The following MTA3 variants were observed in gnomAD, a reference collection of about 807,000 sequenced individuals.
The protein encoded by MTA3 is metastasis-associated protein MTA3.
MTA3 carries 34 observed loss-of-function variants against 83.5 expected under a neutral mutation model. The observed-to-expected ratio is 0.41, with a 90% CI of 0.31 to 0.54. The LOEUF is 0.54. MTA3 is among the 20% of genes least tolerant of loss of function. The probability of loss-of-function intolerance (pLI) is 0.33; values close to 1 mark genes in which losing one functional copy is unlikely to be tolerated. For synonymous variants in MTA3, 303 were observed against 252.7 expected (o/e 1.20, Z -1.89); for missense variants, 761 against 726.4 (o/e 1.05, Z -0.55).
intron 8 of MTA3, among the ~76,000 whole-genome samples, chr2:42,673,956 A>G (rs1691089494): frequency 6.6e-6 from 1 of 152,244 alleles, no homozygotes; most frequent in South Asian, 2.1e-4. Context: ...TACACTGCCC[A>G]AATTTCAGTG....
chr2:42,511,276 CT>C (rs1231985069), intron 2 of MTA3, among the ~76,000 whole-genome samples: 3 of 150,310 alleles, frequency 2.0e-5, no homozygotes, highest in Non-Finnish European at 3.0e-5. Context: ...ATTTAAAATA[CT>C]TTTTTTTTCT....
intron 2 of MTA3, among the ~76,000 whole-genome samples, chr2:42,536,166 C>T (rs897386224): frequency 1.3e-5 from 2 of 150,812 alleles, no homozygotes; most frequent in African/African-American, 2.4e-5. Flanking sequence ...CGGTCTCCCC[C>T]GGGCCATATG....
intron 2 of MTA3, among the ~76,000 whole-genome samples, chr2:42,502,093 A>G (rs1674423560): frequency 6.7e-6 from 1 of 150,000 alleles, no homozygotes; most frequent in Admixed American, 6.6e-5. Context: ...TCATAAATCA[A>G]TACATGGAGG....
At chr2:42,737,001 G>A (rs890197296) in intron 16 of MTA3, among the ~76,000 whole-genome samples, 1 of 152,162 alleles carries the variant, frequency 6.6e-6, no homozygotes, top group African/African-American at 2.4e-5. Context: ...TATCAAAGTT[G>A]CAAGAGAAAG....
At chr2:42,672,343 TAA>T (rs573876669) in intron 8 of MTA3, among the ~76,000 whole-genome samples, 7 of 140,194 alleles carry the variant, frequency 5.0e-5, no homozygotes, top group Admixed American at 7.2e-5. Context: ...TCCTCTCTAT[TAA>T]AAAAAAAAAA....
chr2:42,726,964 G>A (rs1667869941), intron 16 of MTA3, among the ~76,000 whole-genome samples: 1 of 152,178 alleles, frequency 6.6e-6, no homozygotes, highest in African/African-American at 2.4e-5. Flanking sequence ...AGGCCAAAGC[G>A]GGAGGCTCAC....
At chr2:42,719,571 G>A (rs184359176) in intron 15 of MTA3, among the ~76,000 whole-genome samples, 14 of 152,030 alleles carry the variant, frequency 9.2e-5, no homozygotes, top group East Asian at 3.9e-4. Context: ...ACAGGGTCTC[G>A]CTTTGTTGCC....
At chr2:42,704,170 A>G (rs1183414822) in intron 11 of MTA3, 24 bp from the exon 12 acceptor site, 7 of 1,610,130 alleles carry the variant, frequency 4.3e-6, no homozygotes, top group Non-Finnish European at 5.1e-6. Context: ...TCATTTTATC[A>G]CCTTATTTTA....
At position 42,644,284 on chromosome 2, in the gene MTA3, A is replaced by G. The variant is rs748851916; in HGVS notation, c.499+40A>G. 17 of 1,379,552 alleles carry G rather than the reference A, an allele frequency of 1.2e-5. No homozygotes were observed. The South Asian group carries it at 1.8e-4, about 15-fold the overall frequency. The allele number at this position is 1,379,552 out of a possible 1,614,324, so 85.5% of individuals were successfully genotyped here. A position where few individuals can be genotyped will look rare whatever the true frequency, so the allele number is the denominator to read the frequency against. Reference sequence around the variant, plus strand: ...GTGTTTGCAGTTTTGTGAAACAAATATATCTTGAAACTCAAATATACATGT... The same window carrying G: ...GTGTTTGCAGTTTTGTGAAACAAATGTATCTTGAAACTCAAATATACATGT... On this transcript the variant is annotated intron_variant, in intron 6 of 16. Transcript: ENST00000405094.
intron 2 of MTA3, among the ~76,000 whole-genome samples, chr2:42,577,891 T>C (rs928910484): frequency 1.3e-5 from 2 of 152,222 alleles, no homozygotes; most frequent in South Asian, 4.1e-4. Flanking sequence ...TTTGAAGTCA[T>C]TGATAGATTT....
chr2:42,730,107 C>G (rs748271582), intron 16 of MTA3, among the ~76,000 whole-genome samples: 4 of 152,126 alleles, frequency 2.6e-5, no homozygotes, highest in Non-Finnish European at 5.9e-5. Flanking sequence ...TTTGTCAGTT[C>G]TAATAGCTTT....
At chr2:42,614,575 C>G (rs536819850) in intron 4 of MTA3, among the ~76,000 whole-genome samples, 1 of 152,128 alleles carries the variant, frequency 6.6e-6, no homozygotes, top group Non-Finnish European at 1.5e-5. Flanking sequence ...TAAACCTACC[C>G]TTCCATTATC....
At chr2:42,711,274 A>C (rs1300273792) in intron 14 of MTA3, among the ~76,000 whole-genome samples, 1 of 152,062 alleles carries the variant, frequency 6.6e-6, no homozygotes, top group Non-Finnish European at 1.5e-5. Flanking sequence ...TAATTTGCAC[A>C]TTATCTTTGT....
intron 4 of MTA3, among the ~76,000 whole-genome samples, chr2:42,611,252 G>A (rs1684175159): frequency 6.6e-6 from 1 of 151,656 alleles, no homozygotes; most frequent in East Asian, 1.9e-4. Context: ...CAAAGTGCTG[G>A]GATTATAGGT....
intron 2 of MTA3, among the ~76,000 whole-genome samples, chr2:42,538,645 T>C (rs976378943): frequency 1.3e-5 from 2 of 148,980 alleles, no homozygotes; most frequent in Admixed American, 6.7e-5. Flanking sequence ...GAGATGGAGA[T>C]TGCAGTGAGC....
intron 2 of MTA3, among the ~76,000 whole-genome samples, chr2:42,546,986 G>C (rs1412743383): frequency 6.6e-6 from 1 of 152,150 alleles, no homozygotes; most frequent in African/African-American, 2.4e-5. Flanking sequence ...AGCTAGCAGG[G>C]GCTAATCTGC....
intron 6 of MTA3, among the ~76,000 whole-genome samples, chr2:42,650,656 C>T (rs1426725011): frequency 1.3e-5 from 2 of 152,016 alleles, no homozygotes; most frequent in Admixed American, 1.3e-4. Context: ...GTCTCAATCT[C>T]CTGACGTCGT....
At chr2:42,583,309 G>A (rs1384824072) in intron 3 of MTA3, among the ~76,000 whole-genome samples, 1 of 152,132 alleles carries the variant, frequency 6.6e-6, no homozygotes, top group African/African-American at 2.4e-5. Context: ...CGGGAATGGT[G>A]GAGTTAGATG....
At chr2:42,528,629 T>G (rs989291389) in intron 2 of MTA3, among the ~76,000 whole-genome samples, 1 of 152,222 alleles carries the variant, frequency 6.6e-6, no homozygotes, top group Non-Finnish European at 1.5e-5. Context: ...ATTTGAATCT[T>G]GGCTTTACTA....
Sources: gnomAD v4.1 joint callset for allele counts (sites outside exome capture counted in the v4.1 genomes callset) on GRCh38, gnomAD v4.1.1 for gene constraint, MANE v1.5 for transcripts, NCBI Gene and HGNC (gene_info 2026-07-23, HGNC 2026-07-21) for gene names.